Variants in LPIN2 observed in about 807,000 individuals in gnomAD.
The protein encoded by LPIN2 is phosphatidate phosphatase LPIN2.
LPIN2 carries 55 observed loss-of-function variants against 111.4 expected under a neutral mutation model. The observed-to-expected ratio is 0.49, with a 90% CI of 0.40 to 0.62. LPIN2 has a LOEUF of 0.62. LPIN2 is among the 20% of genes least tolerant of loss of function. The pLI is 0.00. For synonymous variants in LPIN2, 425 were observed against 414.0 expected, an observed-to-expected ratio of 1.03 and a Z score of -0.32; for missense variants, 992 against 1,112.1, an observed-to-expected ratio of 0.89 and a Z score of 1.54.
intron 4 of LPIN2, among the ~76,000 whole-genome samples, chr18:2,942,907 G>C (rs183723284): frequency 2.0e-5 from 3 of 152,354 alleles, no homozygotes; most frequent in Admixed American, 2.0e-4. Flanking sequence ...CACAAGCACT[G>C]ATTCTGTTTT....
At chr18:2,928,403 T>A (rs1441858170) in intron 11 of LPIN2, among the ~76,000 whole-genome samples, 188 bp downstream of exon 11, 1 of 152,246 alleles carries the variant, frequency 6.6e-6, no homozygotes, top group Non-Finnish European at 1.5e-5. Flanking sequence ...GCAGCCCTGC[T>A]AATTTCCCAG....
Position 2,972,442 on chromosome 18 carries a change from C to CA in LPIN2, c.-9-11594_-9-11593insT, listed in dbSNP as rs1567845664. The stretch of plus-strand genomic sequence containing the variant: ...GAAACACAACCACAAAGTTATCCAT[C>CA]TTCTACTAGTCAGCTGACTTTTACG... On this transcript the variant is annotated intron_variant, in intron 1 of 19. Coordinates refer to ENST00000677752, the MANE Select transcript of LPIN2 (RefSeq NM_001375808.2). 3.3e-5 allele frequency: 5 copies of CA among 152,288 alleles called. No individual in the cohort carries two copies. The East Asian group carries it at 9.6e-4, about 29-fold the overall frequency. The allele number at this position is 152,288 out of a possible 1,614,324, so 9.4% of individuals were successfully genotyped here.
intron 4 of LPIN2, chr18:2,945,423 G>C: frequency 1.6e-6 from 1 of 625,118 alleles, no homozygotes; most frequent in African/African-American, 1.8e-5. Flanking sequence ...AGAACCTAAT[G>C]TTAACCCTGA....
At chr18:2,996,914 A>C (rs566589073) in intron 1 of LPIN2, among the ~76,000 whole-genome samples, 3 of 152,230 alleles carry the variant, frequency 2.0e-5, no homozygotes, top group Non-Finnish European at 4.4e-5. Context: ...TGCTAATGGT[A>C]AACTTCTGCA....
chr18:2,975,687 G>A (rs919535437), intron 1 of LPIN2, among the ~76,000 whole-genome samples: 3 of 152,154 alleles, frequency 2.0e-5, no homozygotes, highest in African/African-American at 7.2e-5. Context: ...GTTTTAAGGG[G>A]TATGTCCTTA....
At chr18:2,938,424 T>C (rs917924673) in intron 6 of LPIN2, among the ~76,000 whole-genome samples, 1 of 152,054 alleles carries the variant, frequency 6.6e-6, no homozygotes, top group African/African-American at 2.4e-5. Context: ...CTCGGGAGGC[T>C]GAGGCAAGAT....
At chr18:2,956,451 G>T (rs993684872) in intron 2 of LPIN2, among the ~76,000 whole-genome samples, 4 of 152,080 alleles carry the variant, frequency 2.6e-5, no homozygotes, top group Non-Finnish European at 5.9e-5. Context: ...ATCTTTGTTC[G>T]TAAATACTAT....
intron 5 of LPIN2, 29 bp from the exon 6 acceptor site, chr18:2,939,632 C>T (rs771206208): frequency 7.5e-6 from 12 of 1,609,920 alleles, no homozygotes; most frequent in Non-Finnish European, 1.0e-5. Context: ...CACACGATGA[C>T]TTGAAAGTCG....
At chr18:2,950,121 C>T (rs552507301) in intron 4 of LPIN2, 2 of 152,212 alleles carry the variant, frequency 1.3e-5, no homozygotes, top group Admixed American at 1.3e-4. Flanking sequence ...CAAAACAAAA[C>T]AAAGCATATT....
chr18:2,934,051 T>C (rs2144176039), intron 8 of LPIN2, among the ~76,000 whole-genome samples: 1 of 152,256 alleles, frequency 6.6e-6, no homozygotes, highest in East Asian at 1.9e-4. Context: ...CCCAAGCATG[T>C]TGAGTTTGTA....
rs150379164 is a variant in LPIN2 at position 2,919,855 on chromosome 18, G to A, written c.*438C>T. 2,103 of 232,932 alleles carry A rather than the reference G, an allele frequency of 9.0e-3. 17 individuals carry two copies. The highest frequency in any genetic ancestry group is 0.027 in the Middle Eastern group (16 of 588). 14.4% of individuals were successfully genotyped at this position (232,932 alleles called of 1,614,324 possible). A position where few individuals can be genotyped will look rare whatever the true frequency, so the allele number is the denominator to read the frequency against. The stretch of plus-strand genomic sequence containing the variant: ...TCAGCCAGCATCACTGACTGGGCCC[G>A]CAGCAGTTCAGGGACCCTGACATCT... On this transcript the variant is annotated 3_prime_UTR_variant, in exon 20 of 20. Transcript: ENST00000677752.
chr18:3,011,668 CAG>C (rs369907369), intron 1 of LPIN2: 50 of 152,388 alleles, frequency 3.3e-4, no homozygotes, highest in African/African-American at 1.1e-3. Flanking sequence ...GCCTGGGCGA[CAG>C]AGTGAGACTC....
chr18:2,980,385 C>T (rs2078090424), intron 1 of LPIN2, among the ~76,000 whole-genome samples: 1 of 152,162 alleles, frequency 6.6e-6, no homozygotes, highest in Non-Finnish European at 1.5e-5. Context: ...ACTTGTTCAC[C>T]TCCAGTTGTT....
At chr18:2,921,002 C>T (rs1194690915) in intron 18 of LPIN2, 121 bp from the exon 19 acceptor site, 6 of 744,488 alleles carry the variant, frequency 8.1e-6, no homozygotes, top group Non-Finnish European at 1.4e-5. Flanking sequence ...GCGGAGGCGG[C>T]ACAGTGCAGT....
Position 2,931,120 on chromosome 18 carries a change from T to C in LPIN2, c.1456+136A>G, listed in dbSNP as rs888665412. On this transcript the variant is annotated intron_variant, in intron 9 of 19. Transcript: ENST00000677752. The stretch of plus-strand genomic sequence containing the variant: ...TAAGTGAGGGTATAAGGGTCTGACA[T>C]TACAGAACATACCTGTTACCTGCAC... 1.6e-5 allele frequency: 17 copies of C among 1,050,628 alleles called. No homozygotes were observed. The Admixed American group carries it at 2.6e-4, about 16-fold the overall frequency. 65.1% of individuals were successfully genotyped at this position (1,050,628 alleles called of 1,614,324 possible).
chr18:2,920,797 T>C lies in LPIN2; in HGVS notation c.2527A>G (p.Thr843Ala). The C allele has an allele frequency of 6.2e-7, 1 of 1,614,024 alleles. No individual in the cohort carries two copies. The change falls in exon 19 of 20, where the codon ACC (threonine) becomes GCC (alanine). Residue 843 changes from threonine to alanine, a missense_variant. By Grantham distance (58) the Thr-to-Ala change is moderately conservative. Transcript: ENST00000677752. ...ACTTACGATGACTTGTTTCCTTTGG[T>C]TCTTTCTTGTATTAATTCACCCTTG... ...NPKGELIQER[T>A]KGNKSSYHRL...
chr18:2,958,557 TCA>T (rs1806234674), intron 2 of LPIN2, among the ~76,000 whole-genome samples: 1 of 152,194 alleles, frequency 6.6e-6, no homozygotes, highest in African/African-American at 2.4e-5. Context: ...AGTTTTACTC[TCA>T]CAGTTTTTCA....
In LPIN2 at chr18:2,917,973, A is replaced by T. The variant is rs946386059; in HGVS notation, c.*2320T>A. The T allele has an allele frequency of 2.0e-5, 3 of 152,248 alleles. No homozygotes were observed. Among genetic ancestry groups the T allele is most frequent in the African/African-American group, 7.2e-5 (3 of 41,466 alleles). The allele number at this position is 152,248 out of a possible 1,614,324, so 9.4% of individuals were successfully genotyped here. ...ACACACTCGAGGGCATCTCTTTCAC[A>T]GAAAGAACAAATGTCATTTGTACCA... On this transcript the variant is annotated 3_prime_UTR_variant, in exon 20 of 20. Transcript: ENST00000677752.
In LPIN2 at chr18:2,921,542, G is replaced by A; in HGVS notation, c.2433C>T (p.Asn811=). Residue 811 remains asparagine (N), a synonymous_variant, in exon 18 of 20, where the codon AAC becomes AAT. Transcript: ENST00000677752. ...CCCAGGAGATACTCACATTTGGACGGTTTCCAAAGGCAGCATAGAAGGGCT... is the reference window on the plus strand; with the variant it reads ...CCCAGGAGATACTCACATTTGGACGATTTCCAAAGGCAGCATAGAAGGGCT... ...SKQPFYAAFG[N]RPNDVYAYTQ... is the part of the protein sequence containing the mutation. The A allele has an allele frequency of 1.2e-6, 2 of 1,612,194 alleles. No individual in the cohort carries two copies. Among genetic ancestry groups the A allele is most frequent in the Non-Finnish European group, 1.7e-6 (2 of 1,178,212 alleles).
Sources: allele counts gnomAD v4.1 joint callset (sites outside exome capture counted in the v4.1 genomes callset), GRCh38; gene constraint gnomAD v4.1.1; transcripts MANE v1.5; gene names NCBI Gene and HGNC (gene_info 2026-07-23, HGNC 2026-07-21).